Variants in SYMPK observed in about 807,000 individuals in gnomAD.
SYMPK encodes symplekin.
SYMPK carries 49 observed loss-of-function variants against 136.4 expected under a neutral mutation model. The observed-to-expected ratio is 0.36, with a 90% CI of 0.29 to 0.46. SYMPK has a LOEUF of 0.46. Among genes scored for constraint, SYMPK ranks in the 20% least tolerant of loss-of-function variants. The probability of loss-of-function intolerance (pLI) is 1.00; values close to 1 mark genes in which losing one functional copy is unlikely to be tolerated. For missense variants in SYMPK, 1,365 were observed against 1,690.0 expected (o/e 0.81, Z 3.37); for synonymous variants, 766 against 713.0 (o/e 1.07, Z -1.19).
At chr19:45,831,284 C>T in intron 12 of SYMPK, 100 bp downstream of exon 12, 3 of 719,810 alleles carry the variant, frequency 4.2e-6, no homozygotes, top group Non-Finnish European at 6.1e-6. Flanking sequence ...ATCTCAGTTA[C>T]ACACACACAC....
intron 10 of SYMPK, among the ~76,000 whole-genome samples, chr19:45,838,142 G>A (rs911063825): frequency 6.6e-6 from 1 of 151,880 alleles, no homozygotes; most frequent in Non-Finnish European, 1.5e-5. Flanking sequence ...CACAAGATCT[G>A]GTCATTTAAA....
intron 7 of SYMPK, among the ~76,000 whole-genome samples, chr19:45,847,423 CAA>C (rs200632491): frequency 4.2e-4 from 54 of 127,632 alleles, no homozygotes; most frequent in African/African-American, 6.7e-4. Flanking sequence ...GACTCCATCT[CAA>C]AAAAAAAAAA....
chr19:45,849,825 C>G (rs1186313118), intron 5 of SYMPK, among the ~76,000 whole-genome samples: 1 of 152,062 alleles, frequency 6.6e-6, no homozygotes, highest in Non-Finnish European at 1.5e-5. Flanking sequence ...GCAGGTGGGT[C>G]ACCTGAGGTC....
intron 23 of SYMPK, among the ~76,000 whole-genome samples, chr19:45,817,418 T>TC (rs1491177995): frequency 4.1e-3 from 11 of 2,694 alleles, no homozygotes; most frequent in East Asian, 0.011. Flanking sequence ...TTTTGTTCTC[T>TC]TTTTTTTTTT....
At chr19:45,837,849 G>A (rs1971340101) in intron 10 of SYMPK, among the ~76,000 whole-genome samples, 2 of 152,038 alleles carry the variant, frequency 1.3e-5, no homozygotes, top group South Asian at 4.1e-4. Context: ...TTTCTGGTTT[G>A]GGAACTGGGA....
intron 11 of SYMPK, among the ~76,000 whole-genome samples, chr19:45,832,120 G>T (rs1388443490): frequency 6.6e-6 from 1 of 152,184 alleles, no homozygotes; most frequent in Non-Finnish European, 1.5e-5. Flanking sequence ...TGGGATTACA[G>T]GTATGAGCCA....
chr19:45,838,696 C>T, intron 9 of SYMPK, 81 bp from the exon 10 acceptor site: 1 of 1,469,152 alleles, frequency 6.8e-7, no homozygotes, highest in Non-Finnish European at 9.1e-7. Context: ...CCGGGTGGTC[C>T]CTGCCTCTAG....
chr19:45,852,325 T>C lies in SYMPK; in HGVS notation c.286A>G (p.Ile96Val), dbSNP rs748115941. 1.2e-6 allele frequency: 2 copies of C among 1,614,246 alleles called. No homozygotes were observed. Among genetic ancestry groups the C allele is most frequent in the East Asian group, 2.2e-5 (1 of 44,884 alleles). Reference sequence around the variant, plus strand: ...CTCGCCCCATACCATGCCTCCTCGATGAAGCCGATGACAAATTTTCGCACT... The same window carrying C: ...CTCGCCCCATACCATGCCTCCTCGACGAAGCCGATGACAAATTTTCGCACT... The part of the protein sequence containing the change: ...IEVRKFVIGF[I>V]EEACKRDIEL... The change falls in exon 5 of 27, where the codon ATC becomes GTC. Residue 96 changes from isoleucine to valine, a missense_variant. Ile to Val is a conservative substitution (Grantham distance 29). Coordinates refer to ENST00000245934, the MANE Select transcript of SYMPK (RefSeq NM_004819.3).
At chr19:45,851,767 G>C (rs890433090) in intron 5 of SYMPK, among the ~76,000 whole-genome samples, 1 of 151,924 alleles carries the variant, frequency 6.6e-6, no homozygotes, top group Non-Finnish European at 1.5e-5. Context: ...CCAGCTACTT[G>C]GGAGGCTGAG....
chr19:45,858,710 T>C (rs916337497), intron 1 of SYMPK, among the ~76,000 whole-genome samples: 1 of 152,060 alleles, frequency 6.6e-6, no homozygotes, highest in Non-Finnish European at 1.5e-5. Flanking sequence ...AGACGGGGTT[T>C]CTCCATGTTG....
rs764088895 is a variant in SYMPK at position 45,852,553 on chromosome 19, G to T, written c.172-18C>A. ...TCCTGGACCTGGAAGGAGATTGGGGGTGGGGAGGAGGAATACCCATATAAA... is the reference window on the plus strand; with the variant it reads ...TCCTGGACCTGGAAGGAGATTGGGGTTGGGGAGGAGGAATACCCATATAAA... On this transcript the variant is annotated intron_variant, in intron 3 of 26. Transcript: ENST00000245934. 5 of 1,614,090 alleles carry T rather than the reference G, an allele frequency of 3.1e-6. No homozygotes were observed. In the South Asian group the frequency reaches 3.3e-5, roughly 11 times the overall value.
At chr19:45,823,195 G>A (rs529773698) in intron 20 of SYMPK, among the ~76,000 whole-genome samples, 177 bp downstream of exon 20, 34 of 152,296 alleles carry the variant, frequency 2.2e-4, no homozygotes, top group Non-Finnish European at 3.7e-4. Context: ...GAGCTGCTCC[G>A]CATTTCCAGG....
At chr19:45,839,500 T>C (rs150413076) in intron 9 of SYMPK, among the ~76,000 whole-genome samples, 16 of 152,326 alleles carry the variant, frequency 1.1e-4, no homozygotes, top group African/African-American at 3.6e-4. Context: ...AAAATCTCTT[T>C]GGAGCCAGTA....
intron 1 of SYMPK, among the ~76,000 whole-genome samples, chr19:45,860,239 C>T (rs375436640): frequency 7.9e-5 from 12 of 151,718 alleles, no homozygotes; most frequent in African/African-American, 2.2e-4. Flanking sequence ...GTGGATCACC[C>T]GAGGTTAGCA....
At chr19:45,816,721 A>C (rs1970750586) in intron 24 of SYMPK, 77 bp downstream of exon 24, 2 of 1,484,124 alleles carry the variant, frequency 1.3e-6, no homozygotes, top group African/African-American at 2.8e-5. Context: ...AGTCCCCACC[A>C]ACCAGAGGGA....
intron 23 of SYMPK, among the ~76,000 whole-genome samples, chr19:45,817,478 A>C (rs1010420547): frequency 3.7e-5 from 5 of 135,088 alleles, no homozygotes; most frequent in African/African-American, 1.4e-4. Context: ...CCCAGGCTAG[A>C]GTGCAGTGAG....
chr19:45,815,652 G>A lies in SYMPK; in HGVS notation c.3733C>T (p.Gln1245Ter). The part of the protein sequence containing the change: ...GLTLKEERSP[Q>*]TLAPVGEDAM... ...TCTTCTCCAACAGGTGCGAGGGTCT[G>A]GGGGCTCCGCTCCTCCTTCAAGGTC... The change falls in exon 27 of 27, where the codon CAG (glutamine) becomes TAG (stop). Residue 1245 changes from glutamine (Q) to a stop codon, truncating the protein, a stop_gained. Coordinates refer to ENST00000245934, the MANE Select transcript of SYMPK (RefSeq NM_004819.3). LOFTEE classifies it high-confidence loss of function. 6.2e-7 allele frequency: 1 copy of A among 1,610,534 alleles called. No individual in the cohort carries two copies. Among genetic ancestry groups the A allele is most frequent in the Non-Finnish European group, 8.5e-7 (1 of 1,179,004 alleles).
intron 6 of SYMPK, 147 bp from the exon 7 acceptor site, chr19:45,848,148 C>T (rs1303749118): frequency 2.8e-6 from 3 of 1,073,850 alleles, no homozygotes; most frequent in Non-Finnish European, 3.9e-6. Context: ...CAACTCTGCC[C>T]CAGCCCAGTG....
Position 45,816,138 on chromosome 19 carries a change from G to T in SYMPK, c.3400C>A (p.Pro1134Thr). 1 of 1,549,328 alleles carries T rather than the reference G, an allele frequency of 6.5e-7. No individual in the cohort carries two copies. The highest frequency in any genetic ancestry group is 2.0e-4 in the Middle Eastern group (1 of 5,102). Reference sequence around the variant, plus strand: ...CGCAGGCCGATGAGGTCCTGAGGGGGCCGGGGTGCTGGGGCCGGGGCCAAG... The same window carrying T: ...CGCAGGCCGATGAGGTCCTGAGGGGTCCGGGGTGCTGGGGCCGGGGCCAAG... The part of the protein sequence containing the change: ...LTLAPAPAPR[P>T]PQDLIGLRLA... Residue 1134 changes from proline to threonine, a missense_variant, in exon 26 of 27, where the codon CCC becomes ACC. Pro to Thr is a conservative substitution (Grantham distance 38, BLOSUM62 -1). Coordinates refer to ENST00000245934, the MANE Select transcript of SYMPK (RefSeq NM_004819.3).
Sources: allele counts gnomAD v4.1 joint callset (sites outside exome capture counted in the v4.1 genomes callset), GRCh38; gene constraint gnomAD v4.1.1; transcripts MANE v1.5; gene names NCBI Gene and HGNC (gene_info 2026-07-23, HGNC 2026-07-21).